The following LINGO2 variants were observed in gnomAD, a reference collection of about 807,000 sequenced individuals.
The protein encoded by LINGO2 is leucine rich repeat and Ig domain containing 2, also known as leucine-rich repeat and immunoglobulin-like domain-containing nogo receptor-interacting protein 2.
LINGO2 carries 14 observed loss-of-function variants against 30.6 expected under a neutral mutation model. That is an observed-to-expected ratio of 0.46 (90% CI 0.30 to 0.72). The LOEUF (loss-of-function observed/expected upper bound fraction) is 0.72. Ranked by LOEUF, LINGO2 falls within the 30% of genes least tolerant of loss-of-function variation. LINGO2 has a pLI of 0.07. For missense variants in LINGO2, 729 were observed against 751.7 expected, an observed-to-expected ratio of 0.97 and a Z score of 0.35; for synonymous variants, 317 against 288.5, an observed-to-expected ratio of 1.10 and a Z score of -1.00.
At chr9:28,091,493 G>T (rs766931641) in intron 4 of LINGO2, among the ~76,000 whole-genome samples, 1 of 152,170 alleles carries the variant, frequency 6.6e-6, no homozygotes, top group African/African-American at 2.4e-5. Context: ...AAACTGGCTA[G>T]CCATATGCAG....
intron 4 of LINGO2, among the ~76,000 whole-genome samples, chr9:28,053,303 C>T (rs1332183361): frequency 1.3e-5 from 2 of 152,022 alleles, no homozygotes; most frequent in Admixed American, 1.3e-4. Flanking sequence ...GGGAAACTGC[C>T]AGCAGTTTAG....
At chr9:29,196,345 A>G in the LINGO2 span, among the ~76,000 whole-genome samples, 2 of 152,218 alleles carry the variant, frequency 1.3e-5, no homozygotes, top group African/African-American at 4.8e-5. Flanking sequence ...AGACATCTAC[A>G]ATAGCATCAG....
the LINGO2 span, among the ~76,000 whole-genome samples, chr9:29,012,283 A>T: frequency 6.6e-6 from 1 of 152,026 alleles, no homozygotes; most frequent in Non-Finnish European, 1.5e-5. Flanking sequence ...GCTTGAACCC[A>T]CAAGGCGGAG....
intron 4 of LINGO2, among the ~76,000 whole-genome samples, chr9:28,028,538 A>C (rs577892063): frequency 1.2e-4 from 19 of 152,136 alleles, no homozygotes; most frequent in Non-Finnish European, 2.5e-4. Context: ...TAATCATTGA[A>C]ATTAATGAAT....
the LINGO2 span, among the ~76,000 whole-genome samples, chr9:29,068,909 G>C: frequency 6.6e-6 from 1 of 151,564 alleles, no homozygotes; most frequent in Admixed American, 6.6e-5. Flanking sequence ...AAACTAACAG[G>C]GTAATATATG....
At chr9:28,341,271 A>G (rs1274575499) in intron 3 of LINGO2, among the ~76,000 whole-genome samples, 1 of 152,174 alleles carries the variant, frequency 6.6e-6, no homozygotes, top group East Asian at 1.9e-4. Context: ...AATCTGGGAA[A>G]GGTGTTTTGG....
At chr9:28,385,668 C>T (rs1224167474) in intron 2 of LINGO2, among the ~76,000 whole-genome samples, 1 of 152,064 alleles carries the variant, frequency 6.6e-6, no homozygotes, top group Non-Finnish European at 1.5e-5. Context: ...CTCAAATGTA[C>T]TAAATACTCT....
the LINGO2 span, among the ~76,000 whole-genome samples, chr9:28,773,875 T>G: frequency 2.6e-5 from 4 of 152,214 alleles, no homozygotes; most frequent in African/African-American, 9.7e-5. Context: ...TACATCGTGC[T>G]GCAAGACTAT....
At position 28,118,059 on chromosome 9, in the gene LINGO2, C is replaced by G. The variant is rs569265621; in HGVS notation, c.-86-105654G>C. Among the ~76,000 whole-genome samples the G allele has an allele frequency of 2.0e-5, 3 of 149,048 alleles. No homozygotes were observed. In the East Asian group the frequency reaches 6.0e-4, roughly 30 times the overall value. Reference sequence around the variant, plus strand: ...GAACACATGGACATAGGGAGGGGAACAACACACAGTGGGGCCTGTTGGGGG... The same window carrying G: ...GAACACATGGACATAGGGAGGGGAAGAACACACAGTGGGGCCTGTTGGGGG... On this transcript the variant is annotated intron_variant, in intron 4 of 5. Coordinates refer to ENST00000379992, the Ensembl canonical transcript of LINGO2.
the LINGO2 span, among the ~76,000 whole-genome samples, chr9:28,893,111 T>A: frequency 5.0e-3 from 767 of 152,068 alleles, 7 homozygotes; most frequent in African/African-American, 0.018. Flanking sequence ...TCTTCTCTTC[T>A]TCCATTCTCT....
chr9:28,081,515 G>C lies in LINGO2; in HGVS notation c.-86-69110C>G, dbSNP rs148025279. Among the ~76,000 whole-genome samples, 249 of 152,226 alleles carry C rather than the reference G, an allele frequency of 1.6e-3. 2 individuals are homozygous for C. The highest frequency in any genetic ancestry group is 5.5e-3 in the African/African-American group (229 of 41,556). On this transcript the variant is annotated intron_variant, in intron 4 of 5. Coordinates refer to ENST00000379992, the Ensembl canonical transcript of LINGO2. ...TTGTAAAATTTCAACATTAAAAGAAGAAAGGTATTTTATTCAATTACAATT... is the reference window on the plus strand; with the variant it reads ...TTGTAAAATTTCAACATTAAAAGAACAAAGGTATTTTATTCAATTACAATT...
At chr9:28,164,670 T>G (rs1035632534) in intron 4 of LINGO2, among the ~76,000 whole-genome samples, 1 of 152,146 alleles carries the variant, frequency 6.6e-6, no homozygotes, top group Non-Finnish European at 1.5e-5. Flanking sequence ...CCAGGGAAGG[T>G]GCTATTTGCA....
At chr9:29,174,915 A>G in the LINGO2 span, among the ~76,000 whole-genome samples, 9 of 152,202 alleles carry the variant, frequency 5.9e-5, no homozygotes, top group African/African-American at 2.2e-4. Flanking sequence ...GGGCCAGACC[A>G]GGGTTTGAAT....
At chr9:28,901,589 G>T in the LINGO2 span, among the ~76,000 whole-genome samples, 1 of 151,774 alleles carries the variant, frequency 6.6e-6, no homozygotes, top group African/African-American at 2.4e-5. Context: ...TGTAATAAAA[G>T]TGTAGAGTTT....
At chr9:28,877,739 T>C in the LINGO2 span, among the ~76,000 whole-genome samples, 1 of 152,190 alleles carries the variant, frequency 6.6e-6, no homozygotes, top group African/African-American at 2.4e-5. Context: ...ATGCAGGCTC[T>C]TTTTTGGTTC....
intron 1 of LINGO2, among the ~76,000 whole-genome samples, chr9:28,496,653 T>C (rs1819641584): frequency 6.6e-6 from 1 of 152,304 alleles, no homozygotes; most frequent in African/African-American, 2.4e-5. Context: ...ATTTAGTCCA[T>C]TTACATTTAA....
intron 5 of LINGO2, among the ~76,000 whole-genome samples, chr9:27,971,573 G>A (rs1270563777): frequency 1.3e-5 from 2 of 152,030 alleles, no homozygotes; most frequent in Non-Finnish European, 2.9e-5. Flanking sequence ...ATGTTTAGTA[G>A]AGAAGGGGTT....
the LINGO2 span, among the ~76,000 whole-genome samples, chr9:28,850,425 G>T: frequency 6.6e-6 from 1 of 151,998 alleles, no homozygotes; most frequent in African/African-American, 2.4e-5. Flanking sequence ...TATATGCATT[G>T]ATTATTTGGC....
the LINGO2 span, among the ~76,000 whole-genome samples, chr9:29,051,223 T>A: frequency 6.6e-6 from 1 of 152,184 alleles, no homozygotes; most frequent in African/African-American, 2.4e-5. Flanking sequence ...AAATTTATAC[T>A]GACATATACC....
Sources: allele counts gnomAD v4.1 joint callset (sites outside exome capture counted in the v4.1 genomes callset), GRCh38; gene constraint gnomAD v4.1.1; transcripts MANE v1.5; gene names NCBI Gene and HGNC (gene_info 2026-07-23, HGNC 2026-07-21).